The following KLHL13 variants were observed in gnomAD, a reference collection of about 807,000 sequenced individuals.
The protein encoded by KLHL13 is kelch-like protein 13.
Under a neutral mutation model 37.1 loss-of-function variants are expected in KLHL13, and 10 were observed. The observed-to-expected ratio is 0.27, with a 90% CI of 0.17 to 0.46. The LOEUF (loss-of-function observed/expected upper bound fraction) is 0.46. Among genes scored for constraint, KLHL13 ranks in the 20% least tolerant of loss-of-function variants. KLHL13 has a pLI of 1.00. For missense variants in KLHL13, 360 were observed against 509.3 expected, an observed-to-expected ratio of 0.71 and a Z score of 2.82; for synonymous variants, 163 against 181.2, an observed-to-expected ratio of 0.90 and a Z score of 0.81.
At chrX:118,045,328 C>T (rs1339912734) in intron 1 of KLHL13, among the ~76,000 whole-genome samples, 1 of 101,222 alleles carries the variant, frequency 9.9e-6, no homozygotes, top group Non-Finnish European at 2.0e-5. Flanking sequence ...GAACCAAGAT[C>T]GCGCCACTGC....
chrX:118,055,100 T>C (rs780783643), intron 1 of KLHL13, among the ~76,000 whole-genome samples: 7 of 111,484 alleles, frequency 6.3e-5, no homozygotes, highest in Admixed American at 1.9e-4. Flanking sequence ...TTCAAGGGAG[T>C]ACAGCATGCA....
At chrX:117,899,142 A>G (rs748443100) in exon 7 of KLHL13, 1 of 1,211,352 alleles carries the variant, frequency 8.3e-7, no homozygotes, top group Middle Eastern at 2.3e-4. Context: ...CCCCAACATC[A>G]CTCTGCCCTC....
At chrX:117,961,370 G>A (rs2053292035) in intron 1 of KLHL13, among the ~76,000 whole-genome samples, 1 of 111,840 alleles carries the variant, frequency 8.9e-6, no homozygotes, top group African/African-American at 3.2e-5. Flanking sequence ...AGAACCACTT[G>A]GGTTAATTGG....
intron 1 of KLHL13, among the ~76,000 whole-genome samples, chrX:118,079,548 C>G (rs530823907): frequency 9.1e-6 from 1 of 110,052 alleles, no homozygotes; most frequent in Non-Finnish European, 1.9e-5. Context: ...ACAATAGTCA[C>G]AAAGAAAATG....
intron 2 of KLHL13, among the ~76,000 whole-genome samples, chrX:117,944,630 G>T (rs769453720): frequency 1.3e-4 from 15 of 111,227 alleles, no homozygotes; most frequent in Admixed American, 1.1e-3. Flanking sequence ...CATTTAGAAA[G>T]GCAAATTTTC....
chrX:118,042,981 A>G (rs1219447230), intron 1 of KLHL13, among the ~76,000 whole-genome samples: 1 of 110,555 alleles, frequency 9.0e-6, no homozygotes, highest in African/African-American at 3.3e-5. Context: ...GAGAAACAAA[A>G]TTGACAAACC....
chrX:117,962,689 C>G (rs1387315096), intron 1 of KLHL13, among the ~76,000 whole-genome samples: 7 of 112,203 alleles, frequency 6.2e-5, no homozygotes, highest in Non-Finnish European at 1.1e-4. Flanking sequence ...TACCATATTT[C>G]CCTTTTCTTC....
chrX:117,930,338 A>AAGGCAGGCAGGCAGGC (rs1196852934), intron 2 of KLHL13, among the ~76,000 whole-genome samples: 2 of 103,697 alleles, frequency 1.9e-5, no homozygotes, highest in African/African-American at 7.4e-5. Flanking sequence ...GGAAGGCAGG[A>AAGGCAGGCAGGCAGGC]AGGCAGGCAG....
At chrX:118,089,300 G>A (rs970422480) in intron 1 of KLHL13, among the ~76,000 whole-genome samples, 13 of 110,224 alleles carry the variant, frequency 1.2e-4, no homozygotes, top group Non-Finnish European at 2.3e-4. Flanking sequence ...TGTCAGTGAA[G>A]GCTATGTGTA....
At chrX:117,933,982 C>A (rs1230784633) in intron 2 of KLHL13, among the ~76,000 whole-genome samples, 1 of 111,138 alleles carries the variant, frequency 9.0e-6, no homozygotes, top group Non-Finnish European at 1.9e-5. Flanking sequence ...ATGTCCTCTG[C>A]AGCAACATGG....
chrX:118,035,495 A>T (rs891122000), intron 1 of KLHL13, among the ~76,000 whole-genome samples: 1 of 109,619 alleles, frequency 9.1e-6, no homozygotes, highest in Non-Finnish European at 1.9e-5. Context: ...CAAAAACCAC[A>T]TGATTATCTC....
At chrX:118,066,695 A>C (rs2054797951) in intron 1 of KLHL13, among the ~76,000 whole-genome samples, 1 of 111,408 alleles carries the variant, frequency 9.0e-6, no homozygotes, top group Admixed American at 9.6e-5. Context: ...AGAAAATGAA[A>C]GGACAAACCA....
intron 1 of KLHL13, among the ~76,000 whole-genome samples, chrX:118,104,907 T>G (rs925670346): frequency 1.8e-5 from 2 of 112,744 alleles, no homozygotes; most frequent in Non-Finnish European, 3.7e-5. Flanking sequence ...GTGAATTATA[T>G]CTTAATAAAG....
At chrX:118,079,318 A>AGTT (rs1230670317) in intron 1 of KLHL13, among the ~76,000 whole-genome samples, 1 of 110,950 alleles carries the variant, frequency 9.0e-6, no homozygotes, top group Non-Finnish European at 1.9e-5. Context: ...AATGAAAAAA[A>AGTT]GGTAACCAAA....
intron 1 of KLHL13, among the ~76,000 whole-genome samples, chrX:118,005,405 G>A (rs184657110): frequency 9.0e-6 from 1 of 111,660 alleles, no homozygotes; most frequent in Non-Finnish European, 1.9e-5. Context: ...CATAGATATA[G>A]GGTGTGGTAG....
chrX:117,985,057 A>G (rs1322923338), intron 1 of KLHL13, among the ~76,000 whole-genome samples: 2 of 111,264 alleles, frequency 1.8e-5, no homozygotes, highest in Non-Finnish European at 3.8e-5. Flanking sequence ...AATCTTATTC[A>G]AAATCAAGCT....
chrX:117,920,092 ACCACCGAAAACC>A, intron 3 of KLHL13, 134 bp downstream of exon 4: 1 of 528,878 alleles, frequency 1.9e-6, no homozygotes, highest in Admixed American at 4.2e-5. Context: ...TTAAAACAGC[ACCACCGAAAACC>A]ATACATACTG....
At chrX:118,112,321 T>A (rs990721259) in intron 1 of KLHL13, among the ~76,000 whole-genome samples, 7 of 111,724 alleles carry the variant, frequency 6.3e-5, no homozygotes, top group African/African-American at 2.3e-4. Flanking sequence ...CCGGATGAGG[T>A]CTAGGTCGCC....
intron 1 of KLHL13, among the ~76,000 whole-genome samples, chrX:118,007,008 C>T (rs1306479992): frequency 1.4e-4 from 16 of 111,229 alleles, no homozygotes; most frequent in African/African-American, 5.2e-4. Flanking sequence ...ATTATCGCTC[C>T]CTAGAGGCCT....
Sources: allele counts gnomAD v4.1 joint callset (sites outside exome capture counted in the v4.1 genomes callset), GRCh38; gene constraint gnomAD v4.1.1; transcripts MANE v1.5; gene names NCBI Gene and HGNC (gene_info 2026-07-23, HGNC 2026-07-21).